TBL1XR1: variants seen among roughly 807,000 people sequenced by gnomAD.
The protein encoded by TBL1XR1 is F-box-like/WD repeat-containing protein TBL1XR1.
A neutral mutation model predicts 66.9 loss-of-function variants in TBL1XR1; 5 were observed. That is an observed-to-expected ratio of 0.07 (90% confidence interval 0.04 to 0.16). TBL1XR1 has a LOEUF of 0.16. Ranked by LOEUF, TBL1XR1 falls within the 10% of genes least tolerant of loss-of-function variation. The pLI is 1.00. For synonymous variants in TBL1XR1, 210 were observed against 206.0 expected (o/e 1.02, Z -0.17); for missense variants, 238 against 623.2 (o/e 0.38, Z 6.58).
intron 10 of TBL1XR1, among the ~76,000 whole-genome samples, chr3:177,038,959 A>G (rs1715195784): frequency 6.6e-6 from 1 of 152,194 alleles, no homozygotes; most frequent in African/African-American, 2.4e-5. Flanking sequence ...CTGAAAATCC[A>G]AAATCCACAA....
chr3:177,115,191 C>T (rs1726161782), intron 1 of TBL1XR1, among the ~76,000 whole-genome samples: 1 of 152,024 alleles, frequency 6.6e-6, no homozygotes, highest in Non-Finnish European at 1.5e-5. Context: ...CCTGACCCAG[C>T]TTCCAATTAC....
intron 1 of TBL1XR1, among the ~76,000 whole-genome samples, chr3:177,128,680 AC>A (rs1409971252): frequency 2.0e-5 from 3 of 152,130 alleles, no homozygotes; most frequent in African/African-American, 7.2e-5. Flanking sequence ...AGCCTGAGCC[AC>A]CAAACTTGGC....
chr3:177,023,692 C>G lies in TBL1XR1; in HGVS notation c.*1806G>C, dbSNP rs1712688731. On this transcript the variant is annotated 3_prime_UTR_variant, in exon 16 of 16. Coordinates refer to ENST00000457928, the MANE Select transcript of TBL1XR1 (RefSeq NM_024665.7). ...AAACCAAGACTTGCTTCAATCAATG[C>G]TGTTTTGTAAAAATAGCAAAGCAAC... The G allele has an allele frequency of 6.6e-6, 1 of 152,500 alleles. No individual in the cohort carries two copies. The highest frequency in any genetic ancestry group is 6.6e-5 in the Admixed American group (1 of 15,260). The allele number at this position is 152,500 out of a possible 1,614,324, so 9.4% of individuals were successfully genotyped here.
At chr3:177,148,336 A>C (rs1266024531) in intron 1 of TBL1XR1, among the ~76,000 whole-genome samples, 1 of 152,220 alleles carries the variant, frequency 6.6e-6, no homozygotes, top group Admixed American at 6.5e-5. Context: ...CCACGTTCTG[A>C]AATCTACTTA....
rs1717445462 is a variant in TBL1XR1, at chr3:177,053,951, T to C, written c.59-33A>G. 9 of 1,585,468 alleles carry C rather than the reference T, an allele frequency of 5.7e-6. No homozygotes were observed. In the East Asian group the frequency reaches 1.6e-4, roughly 28 times the overall value. The stretch of plus-strand genomic sequence containing the variant: ...CAAAAGAAAAGGCATGAGAATTTAT[T>C]TTCCTAGTGGCAACATGCTAAATGA... On this transcript the variant is annotated intron_variant, in intron 3 of 15. Transcript: ENST00000457928.
At chr3:177,163,935 T>C (rs1732518313) in intron 1 of TBL1XR1, 1 of 152,188 alleles carries the variant, frequency 6.6e-6, no homozygotes, top group African/African-American at 2.4e-5. Flanking sequence ...AAAAACTCAG[T>C]ACTTCTGCCC....
chr3:177,171,085 A>C (rs1733430073), intron 1 of TBL1XR1, among the ~76,000 whole-genome samples: 2 of 152,086 alleles, frequency 1.3e-5, no homozygotes, highest in Admixed American at 1.3e-4. Flanking sequence ...TCACGCCTGT[A>C]ATCCCAGCAC....
chr3:177,115,996 A>AGC (rs1726264157), intron 1 of TBL1XR1, among the ~76,000 whole-genome samples: 2 of 152,164 alleles, frequency 1.3e-5, no homozygotes, highest in Non-Finnish European at 2.9e-5. Context: ...CTTTAATGAA[A>AGC]ATAAAGAACA....
intron 6 of TBL1XR1, 74 bp from the exon 7 acceptor site, chr3:177,050,212 C>T (rs1716868023): frequency 6.6e-7 from 1 of 1,505,696 alleles, no homozygotes; most frequent in Admixed American, 2.0e-5. Flanking sequence ...ATATTTACAT[C>T]TGAATATTAA....
chr3:177,093,094 A>C (rs1577141366), intron 2 of TBL1XR1, among the ~76,000 whole-genome samples: 1 of 152,172 alleles, frequency 6.6e-6, no homozygotes, highest in Admixed American at 6.5e-5. Flanking sequence ...AGTTCCTAGA[A>C]GTGATAAATG....
chr3:177,110,001 G>A (rs1201298), intron 1 of TBL1XR1, among the ~76,000 whole-genome samples: 48,401 of 152,002 alleles, frequency 0.32, 8,169 homozygotes, highest in East Asian at 0.54. Context: ...CACAAAATAC[G>A]TCATTTATGT....
chr3:177,034,406 T>A, intron 12 of TBL1XR1, 81 bp from the exon 13 acceptor site: 3 of 1,040,518 alleles, frequency 2.9e-6, no homozygotes, highest in Non-Finnish European at 3.9e-6. Context: ...ACTTAAAATA[T>A]TATATGGACA....
rs1422883069 is a variant in TBL1XR1, at chr3:177,025,422, G to C, written c.*76C>G. 2 of 1,473,094 alleles carry C rather than the reference G, an allele frequency of 1.4e-6. No homozygotes were observed. 91.3% of individuals were successfully genotyped at this position (1,473,094 alleles called of 1,614,324 possible). A position where few individuals can be genotyped will look rare whatever the true frequency, so the allele number is the denominator to read the frequency against. ...TGGCCATGGTTCAAGTGGGACTATA[G>C]CAGTACATGGGTCAGGGACAGTCAT... On this transcript the variant is annotated 3_prime_UTR_variant, in exon 16 of 16. Transcript: ENST00000457928.
intron 1 of TBL1XR1, among the ~76,000 whole-genome samples, chr3:177,194,360 G>A (rs1032790270): frequency 6.6e-6 from 1 of 152,190 alleles, no homozygotes; most frequent in Non-Finnish European, 1.5e-5. Context: ...CAATTCACAT[G>A]CACTAGAAAA....
At position 177,075,710 on chromosome 3, in the gene TBL1XR1, G is replaced by C. The variant is rs1332351517; in HGVS notation, c.-45-10688C>G. Among the ~76,000 whole-genome samples, 3 of 152,176 alleles carry C rather than the reference G, an allele frequency of 2.0e-5. No individual in the cohort carries two copies. The East Asian group carries it at 5.8e-4, about 29-fold the overall frequency. ...ACAATAAAGGTTAAAAAATAAGCTA[G>C]CCTCAAGCTAATTTCTTCCTGCCTT... On this transcript the variant is annotated intron_variant, in intron 2 of 15. Transcript: ENST00000457928.
At chr3:177,195,918 C>G (rs928725438) in intron 1 of TBL1XR1, among the ~76,000 whole-genome samples, 4 of 152,184 alleles carry the variant, frequency 2.6e-5, no homozygotes, top group Admixed American at 2.6e-4. Flanking sequence ...TCCAAGATTT[C>G]AAGTAAACTC....
intron 2 of TBL1XR1, among the ~76,000 whole-genome samples, chr3:177,069,784 A>AGGAAGGATGG (rs1553824684): frequency 2.5e-5 from 1 of 39,526 alleles, no homozygotes; most frequent in East Asian, 1.0e-3. Flanking sequence ...AAAGGAAGGA[A>AGGAAGGATGG]AAGGAAGGAA....
chr3:177,144,591 T>C (rs1730022322), intron 1 of TBL1XR1, among the ~76,000 whole-genome samples: 1 of 150,270 alleles, frequency 6.7e-6, no homozygotes, highest in African/African-American at 2.5e-5. Flanking sequence ...ATCTCTACTT[T>C]AGAAAAAAAA....
intron 1 of TBL1XR1, among the ~76,000 whole-genome samples, chr3:177,155,807 C>T (rs1404323018): frequency 6.6e-6 from 1 of 152,028 alleles, no homozygotes; most frequent in African/African-American, 2.4e-5. Flanking sequence ...GTCAGGAGTT[C>T]GAGACCAGCC....
Sources: allele counts gnomAD v4.1 joint callset (sites outside exome capture counted in the v4.1 genomes callset), GRCh38; gene constraint gnomAD v4.1.1; transcripts MANE v1.5; gene names NCBI Gene and HGNC (gene_info 2026-07-23, HGNC 2026-07-21).